LRGUK: variants seen among roughly 807,000 people sequenced by gnomAD.
The protein encoded by LRGUK is leucine-rich repeat and guanylate kinase domain-containing protein.
In LRGUK, 65 loss-of-function variants were observed where a neutral mutation model predicts 76.0. That is an observed-to-expected ratio of 0.85 (90% CI 0.70 to 1.05). LRGUK has a LOEUF of 1.05. Among genes scored for constraint, LRGUK ranks in the 50% least tolerant of loss-of-function variants. The pLI is 0.00. For synonymous variants in LRGUK, 268 were observed against 265.6 expected (o/e 1.01, Z -0.09); for missense variants, 758 against 732.8 (o/e 1.03, Z -0.40).
intron 16 of LRGUK, among the ~76,000 whole-genome samples, chr7:134,228,222 T>C (rs1801808040): frequency 6.6e-6 from 1 of 152,162 alleles, no homozygotes; most frequent in African/African-American, 2.4e-5. Flanking sequence ...TGATAACTTA[T>C]TGCCAACCTA....
In LRGUK at chr7:134,183,733, G is replaced by T; in HGVS notation, c.1215-1G>T. 6.2e-7 allele frequency: 1 copy of T among 1,613,840 alleles called. No individual in the cohort carries two copies. Among genetic ancestry groups the T allele is most frequent in the South Asian group, 1.1e-5 (1 of 91,058 alleles). On this transcript the variant is annotated splice_acceptor_variant, in intron 10 of 15. Coordinates refer to ENST00000645682, the Ensembl canonical transcript of LRGUK. LOFTEE classifies it high-confidence loss of function. ...GAACTGACTCTGGTCCTGTGTTGTAGCACTCTTCCCAGCCTGGATGCCCCT... is the reference window on the plus strand; with the variant it reads ...GAACTGACTCTGGTCCTGTGTTGTATCACTCTTCCCAGCCTGGATGCCCCT...
At position 134,148,375 on chromosome 7, in the gene LRGUK, C is replaced by T. The variant is rs983622384; in HGVS notation, c.670+56C>T. On this transcript the variant is annotated intron_variant, in intron 5 of 15. Transcript: ENST00000645682. ...TTAAAAACAATATAAAAATTAAAGA[C>T]TACATATTCAAGAATTGTATTAGAT... 9 of 1,018,050 alleles carry T rather than the reference C, an allele frequency of 8.8e-6. No homozygotes were observed. The South Asian group carries it at 1.1e-4, about 13-fold the overall frequency. 63.1% of individuals were successfully genotyped at this position (1,018,050 alleles called of 1,614,324 possible).
At chr7:134,258,129 A>G (rs1802630140) in intron 18 of LRGUK, 128 bp from the exon 19 acceptor site, 1 of 1,157,178 alleles carries the variant, frequency 8.6e-7, no homozygotes, top group Middle Eastern at 2.0e-4. Context: ...AGCTCAACAC[A>G]AGACATGTCC....
In LRGUK at chr7:134,183,855, TA is replaced by T. The variant is rs1296057547; in HGVS notation, c.1334+4del. Reference sequence around the variant, plus strand: ...GTTTAGCACTTACTTCAGATATGGGTAAGTTTGTTTATTGGCTTGTTAAGAC... The same window carrying T: ...GTTTAGCACTTACTTCAGATATGGGTAGTTTGTTTATTGGCTTGTTAAGAC... On this transcript the variant is annotated splice_donor_region_variant and intron_variant, in intron 11 of 15. Transcript: ENST00000645682. The T allele has an allele frequency of 1.2e-6, 2 of 1,613,752 alleles. No individual in the cohort carries two copies. The highest frequency in any genetic ancestry group is 1.7e-6 in the Non-Finnish European group (2 of 1,179,810).
intron 7 of LRGUK, among the ~76,000 whole-genome samples, chr7:134,168,768 T>C (rs1385684964): frequency 6.6e-6 from 1 of 152,192 alleles, no homozygotes; most frequent in East Asian, 1.9e-4. Flanking sequence ...GTGACAGTGC[T>C]GCCATCCAGC....
At chr7:134,247,457 A>G in intron 16 of LRGUK, 99 bp from the exon 17 acceptor site, 1 of 757,582 alleles carries the variant, frequency 1.3e-6, no homozygotes, top group Non-Finnish European at 2.1e-6. Context: ...CTTCCCACAT[A>G]TTTGTCAATC....
At chr7:134,166,780 T>C (rs959621991) in intron 7 of LRGUK, among the ~76,000 whole-genome samples, 7 of 152,208 alleles carry the variant, frequency 4.6e-5, no homozygotes, top group Non-Finnish European at 1.5e-5. Context: ...GAACATTCTT[T>C]GCCGAAGACT....
intron 8 of LRGUK, 64 bp downstream of exon 8, chr7:134,174,700 T>C: frequency 1.2e-6 from 1 of 866,618 alleles, no homozygotes; most frequent in Non-Finnish European, 1.9e-6. Context: ...AGGGAAACTA[T>C]CTAGGAATTC....
At position 134,178,581 on chromosome 7, in the gene LRGUK, G is replaced by A. The variant is rs753662902; in HGVS notation, c.1186G>A (p.Val396Met). ...CCACCTGACCCATGTTGTCAACAGC[G>A]TGATGCAGCCGCAGAGGATCTTTGA... Residue 396 changes from valine (V) to methionine (M), a missense_variant, in exon 10 of 16, where the codon GTG (valine) becomes ATG (methionine). Physicochemically the swap from Val to Met is conservative, Grantham distance 21. Coordinates refer to ENST00000645682, the Ensembl canonical transcript of LRGUK. 16 of 1,612,802 alleles carry A rather than the reference G, an allele frequency of 9.9e-6. No individual in the cohort carries two copies. In the East Asian group the frequency reaches 1.3e-4, roughly 14 times the overall value.
rs540272261 is a variant in LRGUK, at chr7:134,191,584, T to C, written c.1335-71T>C. ...TTAACTTCATTTTTTAAAACATAATTTATATTGAAACCTTTTCCATTTTGA... is the reference window on the plus strand; with the variant it reads ...TTAACTTCATTTTTTAAAACATAATCTATATTGAAACCTTTTCCATTTTGA... On this transcript the variant is annotated intron_variant, in intron 11 of 15. Coordinates refer to ENST00000645682, the Ensembl canonical transcript of LRGUK. 1.5e-3 allele frequency: 1,483 copies of C among 1,003,670 alleles called. 15 individuals are homozygous for C. The highest frequency in any genetic ancestry group is 2.3e-3 in the Middle Eastern group (11 of 4,860). The allele number at this position is 1,003,670 out of a possible 1,614,324, so 62.2% of individuals were successfully genotyped here.
Position 134,140,170 on chromosome 7 carries a change from A to G in LRGUK, c.487+653A>G, listed in dbSNP as rs150154401. Reference sequence around the variant, plus strand: ...TTTCTAGTAGAGATAGGGTTTCGTCATGTTGGCCAGGATGGTCTGGAACTC... The same window carrying G: ...TTTCTAGTAGAGATAGGGTTTCGTCGTGTTGGCCAGGATGGTCTGGAACTC... On this transcript the variant is annotated intron_variant, in intron 3 of 15. Transcript: ENST00000645682. Among the ~76,000 whole-genome samples the G allele has an allele frequency of 3.9e-4, 59 of 152,084 alleles. No homozygotes were observed. In the East Asian group the frequency reaches 0.011, roughly 28 times the overall value.
chr7:134,264,199 G>T, exon 20 of LRGUK: 1 of 392,830 alleles, frequency 2.5e-6, no homozygotes. Context: ...TTTTAAAGAT[G>T]TGAGTTTTTT....
intron 4 of LRGUK, among the ~76,000 whole-genome samples, 175 bp from the exon 5 acceptor site, chr7:134,148,063 A>C (rs1446697210): frequency 9.4e-4 from 3 of 3,204 alleles, no homozygotes; most frequent in Non-Finnish European, 4.2e-3. Context: ...CTCCTTTTCA[A>C]AAAAAAAAAA....
chr7:134,165,922 A>G (rs1222134329), intron 7 of LRGUK, among the ~76,000 whole-genome samples: 3 of 152,206 alleles, frequency 2.0e-5, no homozygotes, highest in Non-Finnish European at 1.5e-5. Flanking sequence ...TAATTTTCAA[A>G]TGTTAAAGAG....
Position 134,127,628 on chromosome 7 carries a change from C to T in LRGUK, c.261C>T (p.Ser87=), listed in dbSNP as rs1207619011. 3.7e-6 allele frequency: 6 copies of T among 1,614,094 alleles called. No individual in the cohort carries two copies. In the East Asian group the frequency reaches 8.9e-5, roughly 24 times the overall value. ...ACCAGGGCGAGGGCGAGGCGGGATC[C>T]GAGGAGTCCTCAGAGTCCGAAATGC... Residue 87 remains serine, a synonymous_variant, in exon 1 of 16, where the codon TCC becomes TCT. Coordinates refer to ENST00000645682, the Ensembl canonical transcript of LRGUK.
intron 7 of LRGUK, among the ~76,000 whole-genome samples, chr7:134,173,391 A>T (rs1799342061): frequency 6.6e-6 from 1 of 152,190 alleles, no homozygotes; most frequent in African/African-American, 2.4e-5. Flanking sequence ...CTTCTGTAGG[A>T]GTGCTTTCCA....
rs570883249 is a variant in LRGUK at position 134,239,130 on chromosome 7, C to A, written c.1984-8426C>A. On this transcript the variant is annotated intron_variant, in intron 16 of 19. Transcript: ENST00000285928. ...ATGGCTGAATAGGAACAGCTCCAGT[C>A]TGCAGCTCCCAGCATGAGCGACACA... Among the ~76,000 whole-genome samples the A allele has an allele frequency of 3.9e-5, 6 of 152,312 alleles. No homozygotes were observed. The South Asian group carries it at 1.2e-3, about 32-fold the overall frequency.
At chr7:134,253,975 G>A (rs1324851173) in intron 18 of LRGUK, among the ~76,000 whole-genome samples, 2 of 152,108 alleles carry the variant, frequency 1.3e-5, no homozygotes, top group Admixed American at 6.6e-5. Flanking sequence ...TATTCAATAC[G>A]TGAAGAGTTC....
At chr7:134,220,789 C>G (rs976400918) in intron 15 of LRGUK, among the ~76,000 whole-genome samples, 2 of 151,990 alleles carry the variant, frequency 1.3e-5, no homozygotes, top group Non-Finnish European at 2.9e-5. Flanking sequence ...AGGCTGGTCT[C>G]AAACTCCTGG....
Sources: gnomAD v4.1 joint callset for allele counts (sites outside exome capture counted in the v4.1 genomes callset) on GRCh38, gnomAD v4.1.1 for gene constraint, MANE v1.5 for transcripts, NCBI Gene and HGNC (gene_info 2026-07-23, HGNC 2026-07-21) for gene names.